Variants in VPS13B observed in about 807,000 individuals in gnomAD.
VPS13B encodes intermembrane lipid transfer protein VPS13B.
Under a neutral mutation model 426.4 loss-of-function variants are expected in VPS13B, and 285 were observed. The ratio of observed to expected loss-of-function variants is 0.67; its 90% confidence interval spans 0.61 to 0.74. The LOEUF (loss-of-function observed/expected upper bound fraction) is 0.74. Among genes scored for constraint, VPS13B ranks in the 30% least tolerant of loss-of-function variants. The pLI is 0.00. For synonymous variants in VPS13B, 1,676 were observed against 1,676.4 expected, an observed-to-expected ratio of 1.00 and a Z score of 0.01; for missense variants, 4,537 against 4,782.6, an observed-to-expected ratio of 0.95 and a Z score of 1.51.
intron 22 of VPS13B, among the ~76,000 whole-genome samples, chr8:99,435,334 A>G (rs1452325148): frequency 1.3e-5 from 2 of 152,194 alleles, no homozygotes; most frequent in South Asian, 2.1e-4. Context: ...TTATCTAATG[A>G]TTGAATAATG....
intron 16 of VPS13B, among the ~76,000 whole-genome samples, chr8:99,183,810 A>G (rs1813073232): frequency 6.6e-6 from 1 of 152,184 alleles, no homozygotes; most frequent in African/African-American, 2.4e-5. Flanking sequence ...GTTTTTAAGC[A>G]TACAATTCAA....
At chr8:99,258,580 C>T (rs1245244776) in intron 17 of VPS13B, among the ~76,000 whole-genome samples, 1 of 151,960 alleles carries the variant, frequency 6.6e-6, no homozygotes, top group Non-Finnish European at 1.5e-5. Flanking sequence ...TTTATCACTA[C>T]CTGACTTTGC....
At chr8:99,490,259 T>C (rs1820531187) in intron 25 of VPS13B, among the ~76,000 whole-genome samples, 1 of 152,184 alleles carries the variant, frequency 6.6e-6, no homozygotes, top group Non-Finnish European at 1.5e-5. Context: ...GCCAAAGTGA[T>C]TGTGGTGGAT....
chr8:99,663,131 G>A (rs1830308540), intron 35 of VPS13B, among the ~76,000 whole-genome samples: 1 of 152,160 alleles, frequency 6.6e-6, no homozygotes, highest in Non-Finnish European at 1.5e-5. Flanking sequence ...CGCAAGGCAT[G>A]AATTTTAAGG....
intron 35 of VPS13B, among the ~76,000 whole-genome samples, chr8:99,667,530 T>G (rs947392972): frequency 6.6e-6 from 1 of 152,166 alleles, no homozygotes; most frequent in African/African-American, 2.4e-5. Context: ...AAGATTAGTT[T>G]AAATGATATA....
At chr8:99,257,361 C>G (rs944162877) in intron 17 of VPS13B, among the ~76,000 whole-genome samples, 2 of 152,072 alleles carry the variant, frequency 1.3e-5, no homozygotes, top group African/African-American at 4.8e-5. Flanking sequence ...TTGTTGGAGT[C>G]TCGATTTCAT....
chr8:99,608,253 A>G (rs748823168), intron 33 of VPS13B, among the ~76,000 whole-genome samples: 6 of 150,042 alleles, frequency 4.0e-5, no homozygotes, highest in Non-Finnish European at 8.9e-5. Flanking sequence ...TGCTCAAGCC[A>G]TCCTCCTACC....
At chr8:99,133,854 A>G (rs890985730) in intron 8 of VPS13B, among the ~76,000 whole-genome samples, 3 of 152,174 alleles carry the variant, frequency 2.0e-5, no homozygotes, top group African/African-American at 7.2e-5. Context: ...TCACCATAAC[A>G]GATAATAATA....
At position 99,507,290 on chromosome 8, in the gene VPS13B, A is replaced by G. The variant is rs1821554315; in HGVS notation, c.4224+87A>G. 2.9e-6 allele frequency: 4 copies of G among 1,380,364 alleles called. No homozygotes were observed. In the Admixed American group the frequency reaches 6.8e-5, roughly 23 times the overall value. The allele number at this position is 1,380,364 out of a possible 1,614,324, so 85.5% of individuals were successfully genotyped here. A position where few individuals can be genotyped will look rare whatever the true frequency, so the allele number is the denominator to read the frequency against. ...TTCATAAAATAGGACTAATGGTTAC[A>G]AGAATTTGAGTTCAGAATAAATTCT... On this transcript the variant is annotated intron_variant, in intron 28 of 61. Coordinates refer to ENST00000357162, the MANE Select transcript of VPS13B (RefSeq NM_152564.5).
At chr8:99,743,275 G>A (rs1188679486) in intron 39 of VPS13B, among the ~76,000 whole-genome samples, 4 of 151,896 alleles carry the variant, frequency 2.6e-5, no homozygotes, top group Non-Finnish European at 5.9e-5. Flanking sequence ...GGGACATGAA[G>A]GACCTCTTCA....
chr8:99,273,803 A>T (rs1352187450), intron 17 of VPS13B, among the ~76,000 whole-genome samples: 1 of 152,130 alleles, frequency 6.6e-6, no homozygotes, highest in African/African-American at 2.4e-5. Context: ...AAAAAAAAAT[A>T]AAAAATAAAA....
chr8:99,235,994 C>T (rs764649039), intron 17 of VPS13B, among the ~76,000 whole-genome samples: 9 of 152,066 alleles, frequency 5.9e-5, no homozygotes, highest in African/African-American at 9.7e-5. Context: ...GCGTAGTATC[C>T]GAATAAGTAA....
intron 56 of VPS13B, among the ~76,000 whole-genome samples, chr8:99,854,560 C>A (rs1054599040): frequency 6.6e-6 from 1 of 152,178 alleles, no homozygotes; most frequent in Non-Finnish European, 1.5e-5. Context: ...ACTCAATAAA[C>A]ATTCAAGCAG....
chr8:99,170,889 G>C (rs1365057831), intron 16 of VPS13B, among the ~76,000 whole-genome samples: 2 of 151,360 alleles, frequency 1.3e-5, no homozygotes, highest in Non-Finnish European at 3.0e-5. Flanking sequence ...ATTCTAATTA[G>C]TAAGCTTATT....
intron 19 of VPS13B, among the ~76,000 whole-genome samples, chr8:99,383,790 A>C (rs1813967407): frequency 6.6e-6 from 1 of 152,212 alleles, no homozygotes; most frequent in Non-Finnish European, 1.5e-5. Flanking sequence ...AGCATGTATC[A>C]GTACTTCATT....
chr8:99,492,814 T>C (rs961463142), intron 25 of VPS13B, among the ~76,000 whole-genome samples: 2 of 152,114 alleles, frequency 1.3e-5, no homozygotes, highest in Non-Finnish European at 2.9e-5. Flanking sequence ...CCCAACCCCT[T>C]GCGCTTACCA....
In VPS13B at chr8:99,507,792, T is replaced by C. The variant is rs1246500568; in HGVS notation, c.4224+589T>C. On this transcript the variant is annotated intron_variant, in intron 28 of 61. Coordinates refer to ENST00000357162, the MANE Select transcript of VPS13B (RefSeq NM_152564.5). ...AAGCCTTGGGGAAGAGTGTTGGTCT[T>C]TGGGGCAATGTGGAGGTGTCTTCCT... is the stretch of plus-strand genomic sequence containing the variant. 4.3e-6 allele frequency: 7 copies of C among 1,614,020 alleles called. No individual in the cohort carries two copies. The South Asian group carries it at 5.5e-5, about 13-fold the overall frequency.
At chr8:99,325,475 A>T (rs1465629023) in intron 19 of VPS13B, among the ~76,000 whole-genome samples, 1 of 152,186 alleles carries the variant, frequency 6.6e-6, no homozygotes, top group Non-Finnish European at 1.5e-5. Context: ...AACTGTTTTC[A>T]TTGTTATTTG....
At chr8:99,291,922 G>T (rs1231607536) in intron 19 of VPS13B, among the ~76,000 whole-genome samples, 1 of 152,022 alleles carries the variant, frequency 6.6e-6, no homozygotes, top group Non-Finnish European at 1.5e-5. Flanking sequence ...CATATTTGTG[G>T]TAAGGTAATT....
Sources: allele counts gnomAD v4.1 joint callset (sites outside exome capture counted in the v4.1 genomes callset), GRCh38; gene constraint gnomAD v4.1.1; transcripts MANE v1.5; gene names NCBI Gene and HGNC (gene_info 2026-07-23, HGNC 2026-07-21).